CLCN1: variants seen among roughly 807,000 people sequenced by gnomAD.
CLCN1 encodes chloride voltage-gated channel 1, also known as chloride channel protein 1.
In CLCN1, 100 loss-of-function variants were observed where a neutral mutation model predicts 114.5. That is an observed-to-expected ratio of 0.87 (90% CI 0.74 to 1.03). The LOEUF (loss-of-function observed/expected upper bound fraction) is 1.03. Ranked by LOEUF, CLCN1 falls within the 50% of genes least tolerant of loss-of-function variation. CLCN1 has a pLI of 0.00. For missense variants in CLCN1, 1,188 were observed against 1,250.0 expected (o/e 0.95, Z 0.75); for synonymous variants, 485 against 487.1 (o/e 1.00, Z 0.06).
chr7:143,344,734 T>C (rs1167381632), intron 16 of CLCN1, among the ~76,000 whole-genome samples: 1 of 149,698 alleles, frequency 6.7e-6, no homozygotes, highest in Admixed American at 6.8e-5. Context: ...GTAGGCATTT[T>C]GATTTATCCT....
At chr7:143,316,895 A>T (rs368783519) in intron 1 of CLCN1, among the ~76,000 whole-genome samples, 2 of 152,250 alleles carry the variant, frequency 1.3e-5, no homozygotes, top group East Asian at 1.9e-4. Context: ...GTGATCAAAG[A>T]TCTACCAACG....
intron 5 of CLCN1, among the ~76,000 whole-genome samples, chr7:143,322,725 T>C (rs1802474588): frequency 6.6e-6 from 1 of 152,252 alleles, no homozygotes. Context: ...TTTCACCATA[T>C]TGGTCAGGCT....
intron 16 of CLCN1, among the ~76,000 whole-genome samples, chr7:143,343,792 C>G (rs1803154311): frequency 6.6e-6 from 1 of 151,044 alleles, no homozygotes. Flanking sequence ...CTCTCTTTCT[C>G]TCTCCCTCCC....
rs1802534955 is a variant in CLCN1, at chr7:143,324,744, A to C, written c.853+252A>C. 6.6e-6 allele frequency among the ~76,000 whole-genome samples: 1 copy of C among 152,234 alleles called. No individual in the cohort carries two copies. The highest frequency in any genetic ancestry group is 6.5e-5 in the Admixed American group (1 of 15,284). ...TACAGAGAGGGACAGTGACTTGAGC[A>C]AGTTCATTCTGTTAGTAAGGTACAA... On this transcript the variant is annotated intron_variant, in intron 7 of 22. Coordinates refer to ENST00000343257, the MANE Select transcript of CLCN1 (RefSeq NM_000083.3). This position sits in a 1 kb window ranked among gnomAD's most constrained non-coding sequence, Gnocchi z 4.6.
chr7:143,349,441 G>GA (rs1044476704), intron 20 of CLCN1, among the ~76,000 whole-genome samples: 1 of 151,734 alleles, frequency 6.6e-6, no homozygotes, highest in Non-Finnish European at 1.5e-5. Flanking sequence ...GGACAAATAG[G>GA]AAAATAGAGT....
chr7:143,346,732 A>G, intron 19 of CLCN1, 74 bp downstream of exon 19: 1 of 1,371,130 alleles, frequency 7.3e-7, no homozygotes, highest in South Asian at 1.2e-5. Context: ...CACGGTTCTT[A>G]AATCAGGAAG....
intron 7 of CLCN1, among the ~76,000 whole-genome samples, chr7:143,328,047 T>C (rs958153609): frequency 6.6e-6 from 1 of 152,192 alleles, no homozygotes; most frequent in African/African-American, 2.4e-5. Flanking sequence ...ATAGTGGTGT[T>C]AGTAACCAAG....
Position 143,345,640 on chromosome 7 carries a change from C to A in CLCN1, c.2050C>A (p.Leu684Met), listed in dbSNP as rs764445259. The change falls in exon 17 of 23, where the codon CTG becomes ATG. Residue 684 changes from leucine (L) to methionine (M), a missense_variant. Leu to Met is a conservative substitution (Grantham distance 15). Transcript: ENST00000343257. ...AGAGATGGCGCGGAAGTTGTCGGAG[C>A]TGCCTTACGACGGGAAGGCGCGGCT... ...AQEMARKLSE[L>M]PYDGKARLAG... 3 of 1,564,726 alleles carry A rather than the reference C, an allele frequency of 1.9e-6. No individual in the cohort carries two copies. The African/African-American group carries it at 4.1e-5, about 21-fold the overall frequency.
intron 3 of CLCN1, 40 bp downstream of exon 3, chr7:143,320,835 A>G (rs1377775997): frequency 3.1e-6 from 5 of 1,612,624 alleles, no homozygotes; most frequent in Non-Finnish European, 4.2e-6. Flanking sequence ...CCGTTTCTGG[A>G]GTTTCTACCT....
chr7:143,331,727 G>C (rs1802730292), intron 10 of CLCN1, 75 bp downstream of exon 10: 2 of 1,077,282 alleles, frequency 1.9e-6, no homozygotes, highest in African/African-American at 1.5e-5. Context: ...TTTTGTCTTT[G>C]GGGAAGGCAT....
Position 143,345,689 on chromosome 7 carries a change from C to G in CLCN1, c.2099C>G (p.Ala700Gly). Reference sequence around the variant, plus strand: ...CTGGCTGGGGAGGGGCTCCCCGGCGCGCCTCCAGGCCGGCCCGAGTCCTTC... The same window carrying G: ...CTGGCTGGGGAGGGGCTCCCCGGCGGGCCTCCAGGCCGGCCCGAGTCCTTC... ...ARLAGEGLPGAPPGRPESFAF... is the reference protein window; with the variant it reads ...ARLAGEGLPGGPPGRPESFAF... The change falls in exon 17 of 23, where the codon GCG becomes GGG. Residue 700 changes from alanine to glycine, a missense_variant. Coordinates refer to ENST00000343257, the MANE Select transcript of CLCN1 (RefSeq NM_000083.3). 1 of 1,556,244 alleles carries G rather than the reference C, an allele frequency of 6.4e-7. No individual in the cohort carries two copies. Among genetic ancestry groups the G allele is most frequent in the Non-Finnish European group, 8.7e-7 (1 of 1,151,718 alleles).
chr7:143,319,888 G>A lies in CLCN1; in HGVS notation c.301+13G>A, dbSNP rs1802380386. ...TCTAAATGTCAAGGTGATGGGGACT[G>A]AGGAATAAAGAAATCTGGAGTAGAA... On this transcript the variant is annotated intron_variant, in intron 2 of 22. Coordinates refer to ENST00000343257, the MANE Select transcript of CLCN1 (RefSeq NM_000083.3). 1 of 1,613,610 alleles carries A rather than the reference G, an allele frequency of 6.2e-7. No individual in the cohort carries two copies. The highest frequency in any genetic ancestry group is 8.5e-7 in the Non-Finnish European group (1 of 1,179,608).
Position 143,324,080 on chromosome 7 carries a change from G to T in CLCN1, c.775-334G>T, listed in dbSNP as rs1011362717. ...ATTATTTTGAGACTGCTTGCTGTTT[G>T]GTGCAGGATTTATTAGTACTGCTTT... On this transcript the variant is annotated intron_variant, in intron 6 of 22. Coordinates refer to ENST00000343257, the MANE Select transcript of CLCN1 (RefSeq NM_000083.3). This position sits in a 1 kb window ranked among gnomAD's most constrained non-coding sequence, Gnocchi z 4.6. Among the ~76,000 whole-genome samples the T allele has an allele frequency of 5.9e-5, 9 of 152,158 alleles. No homozygotes were observed. Among genetic ancestry groups the T allele is most frequent in the Non-Finnish European group, 1.3e-4 (9 of 68,028 alleles).
At chr7:143,318,949 CA>C in intron 1 of CLCN1, among the ~76,000 whole-genome samples, 1 of 152,230 alleles carries the variant, frequency 6.6e-6, no homozygotes, top group Non-Finnish European at 1.5e-5. Flanking sequence ...CAGAATCCAG[CA>C]ACATGGCCTG....
intron 7 of CLCN1, among the ~76,000 whole-genome samples, chr7:143,326,627 G>A (rs1285477334): frequency 1.3e-5 from 2 of 152,180 alleles, no homozygotes; most frequent in Non-Finnish European, 2.9e-5. Flanking sequence ...TGTTTGACAT[G>A]AGGCTTGAAT....
rs1290037207 is a variant in CLCN1, at chr7:143,321,360, C to T, written c.434-5C>T. 9.3e-6 allele frequency: 15 copies of T among 1,614,050 alleles called. No homozygotes were observed. Among genetic ancestry groups the T allele is most frequent in the South Asian group, 3.3e-5 (3 of 91,066 alleles). ...CTGCCTAACCCCAGGCATGTGTCTC[C>T]GCAGCCTACAAGTGGTCCTACGCGC... On this transcript the variant is annotated splice_polypyrimidine_tract_variant and splice_region_variant and intron_variant, in intron 3 of 22. Coordinates refer to ENST00000343257, the MANE Select transcript of CLCN1 (RefSeq NM_000083.3). This position sits in a 1 kb window ranked among gnomAD's most constrained non-coding sequence, Gnocchi z 4.2.
chr7:143,341,510 G>A (rs1235625125), intron 14 of CLCN1, among the ~76,000 whole-genome samples: 1 of 151,864 alleles, frequency 6.6e-6, no homozygotes, highest in Non-Finnish European at 1.5e-5. Context: ...CATGAACCGA[G>A]ATTGTACCAC....
intron 3 of CLCN1, among the ~76,000 whole-genome samples, 198 bp downstream of exon 3, chr7:143,320,993 C>T (rs1272147692): frequency 6.6e-6 from 1 of 152,196 alleles, no homozygotes; most frequent in Non-Finnish European, 1.5e-5. Flanking sequence ...CCTCCACTCA[C>T]TGCCACCCAA....
intron 10 of CLCN1, 25 bp downstream of exon 10, chr7:143,331,677 C>T: frequency 6.6e-7 from 1 of 1,516,020 alleles, no homozygotes; most frequent in Non-Finnish European, 9.2e-7. Flanking sequence ...TTCTTTTGCC[C>T]TACCCATTTA....
Sources: gnomAD v4.1 joint callset for allele counts (sites outside exome capture counted in the v4.1 genomes callset) on GRCh38, gnomAD v4.1.1 for gene constraint, Gnocchi (gnomAD v3.1) non-coding constraint, MANE v1.5 for transcripts, NCBI Gene and HGNC (gene_info 2026-07-23, HGNC 2026-07-21) for gene names.